SMG6: variants seen among roughly 807,000 people sequenced by gnomAD.
SMG6 encodes the protein SMG6 nonsense mediated mRNA decay factor.
Under a neutral mutation model 142.2 loss-of-function variants are expected in SMG6, and 66 were observed. The ratio of observed to expected loss-of-function variants is 0.46; its 90% CI spans 0.38 to 0.57. The LOEUF (loss-of-function observed/expected upper bound fraction) is 0.57, where lower values mean the gene tolerates loss of function less well. Ranked by LOEUF, SMG6 falls within the 20% of genes least tolerant of loss-of-function variation. SMG6 has a pLI of 0.00. For synonymous variants in SMG6, 779 were observed against 702.4 expected (o/e 1.11, Z -1.72); for missense variants, 1,793 against 1,832.0 (o/e 0.98, Z 0.39).
intron 12 of SMG6, among the ~76,000 whole-genome samples, chr17:2,178,941 C>CA (rs2071726635): frequency 6.6e-6 from 1 of 152,230 alleles, no homozygotes; most frequent in Non-Finnish European, 1.5e-5. Context: ...AACCTCAGCT[C>CA]AGAGCTGGAA....
Position 2,299,935 on chromosome 17 carries a change from A to G in SMG6, c.818T>C (p.Leu273Pro), listed in dbSNP as rs2075237483. Residue 273 changes from leucine (L) to proline (P), a missense_variant, in exon 2 of 19, where the codon CTG (leucine) becomes CCG (proline). By Grantham distance (98) the Leu-to-Pro change is moderately conservative. Transcript: ENST00000263073. This position sits in a 1 kb window ranked among gnomAD's most constrained non-coding sequence, Gnocchi z 4.3. The part of the protein sequence containing the change: ...GSNNSAEGAG[L>P]TDNGCRRRRQ... ...GCGGCGGCGACATCCATTATCCGTC[A>G]GGCCAGCTCCCTCAGCGCTGTTGTT... 1 of 1,614,004 alleles carries G rather than the reference A, an allele frequency of 6.2e-7. No individual in the cohort carries two copies. The highest frequency in any genetic ancestry group is 8.5e-7 in the Non-Finnish European group (1 of 1,180,040).
At chr17:2,236,772 A>C in intron 9 of SMG6, 135 bp from the exon 10 acceptor site, 1 of 1,355,224 alleles carries the variant, frequency 7.4e-7, no homozygotes, top group Non-Finnish European at 9.5e-7. Flanking sequence ...ACTGCCTAGG[A>C]CATTTCTTTG....
chr17:2,079,664 C>T (rs1472493103), intron 15 of SMG6, among the ~76,000 whole-genome samples: 1 of 151,814 alleles, frequency 6.6e-6, no homozygotes, highest in Non-Finnish European at 1.5e-5. Context: ...GAGGATCATG[C>T]ACAAGTTTAC....
intron 8 of SMG6, chr17:2,256,192 A>C (rs760120890): frequency 5.9e-4 from 90 of 152,468 alleles, no homozygotes; most frequent in Non-Finnish European, 8.8e-4. Context: ...AAATAAATAA[A>C]TAAATAAATA....
chr17:2,236,669 C>T, intron 9 of SMG6, 32 bp from the exon 10 acceptor site: 1 of 1,590,924 alleles, frequency 6.3e-7, no homozygotes, highest in Non-Finnish European at 8.6e-7. Flanking sequence ...CAATGAGGCA[C>T]CTCTCTCTTT....
At chr17:2,127,423 T>C (rs926707851) in intron 13 of SMG6, 3 of 815,826 alleles carry the variant, frequency 3.7e-6, no homozygotes, top group Non-Finnish European at 6.2e-6. Context: ...ATAGACACTT[T>C]ATTAGATCCA....
In SMG6 at chr17:2,282,750, A is replaced by T. The variant is rs2151379604; in HGVS notation, c.2558T>A (p.Leu853Gln). The change falls in exon 8 of 19, where the codon CTG (leucine) becomes CAG (glutamine). Residue 853 changes from leucine to glutamine, a missense_variant. This residue lies in a region of SMG6 where 1,597 missense variants were observed against 1,584.6 expected (regional missense o/e 1.01). Transcript: ENST00000263073. ...ATGGGATGGATGAATCCAGATCTCC[A>T]GGCGAGTGGTGTCATCTCCAACATG... ...FRHVGDDTTR[L>Q]EIWIHPSHPR... 2 of 1,614,218 alleles carry T rather than the reference A, an allele frequency of 1.2e-6. No homozygotes were observed. Among genetic ancestry groups the T allele is most frequent in the African/African-American group, 2.7e-5 (2 of 75,052 alleles).
Position 2,173,845 on chromosome 17 carries a change from CTTTTTTTTTTTT to C in SMG6, c.3156-998_3156-987del, listed in dbSNP as rs35215989. 1.4e-3 allele frequency among the ~76,000 whole-genome samples: 105 copies of C among 74,832 alleles called. 2 individuals are homozygous for C. Among genetic ancestry groups the C allele is most frequent in the African/African-American group, 4.7e-3 (93 of 19,648 alleles). 49.1% of individuals were successfully genotyped at this position (74,832 alleles called of 152,430 possible). ...TGGTGGGTGCTGAGGATCCATAAAG[CTTTTTTTTTTTT>C]TTTTTTTTTTTTTTGGCCTGCCCAG... On this transcript the variant is annotated intron_variant, in intron 12 of 18. Coordinates refer to ENST00000263073, the MANE Select transcript of SMG6 (RefSeq NM_017575.5).
chr17:2,086,567 A>T (rs2151437815), intron 13 of SMG6, among the ~76,000 whole-genome samples: 1 of 152,346 alleles, frequency 6.6e-6, no homozygotes, highest in East Asian at 1.9e-4. Context: ...GTTTACGCCA[A>T]CCTGCTCCCA....
In SMG6 at chr17:2,194,375, G is replaced by T. The variant is rs114258962; in HGVS notation, c.2870-5860C>A. On this transcript the variant is annotated intron_variant, in intron 10 of 18. Coordinates refer to ENST00000263073, the MANE Select transcript of SMG6 (RefSeq NM_017575.5). ...GACTAATTAGGGTAGCTGGAAAAAG[G>T]TAACAATGAGGGAGACCAGTTGGGA... 1.8e-3 allele frequency among the ~76,000 whole-genome samples: 273 copies of T among 152,298 alleles called. 2 individuals are homozygous for T. The highest frequency in any genetic ancestry group is 6.3e-3 in the African/African-American group (260 of 41,572).
At chr17:2,080,424 AAAAC>A (rs2068384001) in intron 15 of SMG6, among the ~76,000 whole-genome samples, 1 of 152,210 alleles carries the variant, frequency 6.6e-6, no homozygotes, top group Non-Finnish European at 1.5e-5. Context: ...TCTCAAAACA[AAAAC>A]AAAAACAAAC....
Position 2,297,235 on chromosome 17 carries a change from T to C in SMG6, c.2151+8A>G, listed in dbSNP as rs764929730. The C allele has an allele frequency of 5.1e-6, 8 of 1,577,760 alleles. No homozygotes were observed. Among genetic ancestry groups the C allele is most frequent in the South Asian group, 1.2e-5 (1 of 86,274 alleles). ...GAAAATTTAAGATACATAAAGAAGG[T>C]AGCTTACTGTCTTGCGTAATGGCTT... On this transcript the variant is annotated splice_region_variant and intron_variant, in intron 4 of 18. Coordinates refer to ENST00000263073, the MANE Select transcript of SMG6 (RefSeq NM_017575.5).
At chr17:2,083,644 A>G (rs2068481519) in intron 14 of SMG6, among the ~76,000 whole-genome samples, 1 of 152,210 alleles carries the variant, frequency 6.6e-6, no homozygotes, top group African/African-American at 2.4e-5. Context: ...AACTCTGCAC[A>G]TTCACTTCCT....
intron 10 of SMG6, among the ~76,000 whole-genome samples, chr17:2,206,830 G>C (rs1257534294): frequency 6.6e-6 from 1 of 151,980 alleles, no homozygotes; most frequent in Non-Finnish European, 1.5e-5. Flanking sequence ...GGAGGTCACA[G>C]TGAACTGAAA....
intron 9 of SMG6, among the ~76,000 whole-genome samples, chr17:2,240,667 A>G (rs1208375652): frequency 6.6e-6 from 1 of 152,178 alleles, no homozygotes; most frequent in African/African-American, 2.4e-5. Context: ...ATTTCCTCTA[A>G]AGCTCTGAAC....
At chr17:2,237,262 T>C (rs919786608) in intron 9 of SMG6, 1 of 152,456 alleles carries the variant, frequency 6.6e-6, no homozygotes, top group African/African-American at 2.4e-5. Context: ...GAGACGGGAT[T>C]TCACCATGTT....
chr17:2,260,281 G>A (rs964966497), intron 8 of SMG6, among the ~76,000 whole-genome samples: 1 of 152,194 alleles, frequency 6.6e-6, no homozygotes, highest in African/African-American at 2.4e-5. Context: ...CATCTGAGCT[G>A]AACCAAGCAT....
At chr17:2,236,683 T>C in intron 9 of SMG6, 46 bp from the exon 10 acceptor site, 1 of 1,566,494 alleles carries the variant, frequency 6.4e-7, no homozygotes. Context: ...TCTCTTTCAG[T>C]CTCTCTCTCA....
At position 2,187,741 on chromosome 17, in the gene SMG6, C is replaced by G. The variant is rs376220981; in HGVS notation, c.2986+658G>C. ...CAAAATAAAAAGTTGCCCTTCTGTC[C>G]CTAAAAAAAAAAAAGGCAGCCTCCG... On this transcript the variant is annotated intron_variant, in intron 11 of 18. Coordinates refer to ENST00000263073, the MANE Select transcript of SMG6 (RefSeq NM_017575.5). Among the ~76,000 whole-genome samples the G allele has an allele frequency of 8.6e-5, 13 of 151,192 alleles. No homozygotes were observed. The East Asian group carries it at 1.5e-3, about 18-fold the overall frequency.
Sources: allele counts gnomAD v4.1 joint callset (sites outside exome capture counted in the v4.1 genomes callset), GRCh38; gene constraint gnomAD v4.1.1; regional missense constraint gnomAD v4.1.1; non-coding constraint Gnocchi (gnomAD v3.1); transcripts MANE v1.5; gene names NCBI Gene and HGNC (gene_info 2026-07-23, HGNC 2026-07-21).